PRDM6: variants seen among roughly 807,000 people sequenced by gnomAD.
PRDM6 encodes the protein PR/SET domain 6, also known as putative histone-lysine N-methyltransferase PRDM6.
In PRDM6, 25 loss-of-function variants were observed where a neutral mutation model predicts 60.8. That is an observed-to-expected ratio of 0.41 (90% CI 0.30 to 0.57). The LOEUF (loss-of-function observed/expected upper bound fraction) is 0.57. Among genes scored for constraint, PRDM6 ranks in the 20% least tolerant of loss-of-function variants. The pLI is 0.27. For synonymous variants in PRDM6, 407 were observed against 357.4 expected (o/e 1.14, Z -1.57); for missense variants, 839 against 821.3 (o/e 1.02, Z -0.26).
chr5:123,184,324 T>G (rs1390441464), intron 7 of PRDM6, among the ~76,000 whole-genome samples: 1 of 152,006 alleles, frequency 6.6e-6, no homozygotes, highest in Non-Finnish European at 1.5e-5. Context: ...GGTAATTAAG[T>G]CTAATTAAGA....
chr5:123,142,238 T>C (rs1489569408), intron 3 of PRDM6, among the ~76,000 whole-genome samples: 3 of 152,158 alleles, frequency 2.0e-5, no homozygotes, highest in Non-Finnish European at 2.9e-5. Flanking sequence ...CATATTTACA[T>C]AGTCATCAAT....
chr5:123,154,219 G>C (rs928376496), intron 3 of PRDM6, among the ~76,000 whole-genome samples: 11 of 152,128 alleles, frequency 7.2e-5, no homozygotes, highest in Non-Finnish European at 1.6e-4. Context: ...TAAATATGTT[G>C]TCTATCATTA....
chr5:123,110,762 C>T (rs1344975628), intron 3 of PRDM6, among the ~76,000 whole-genome samples: 1 of 151,976 alleles, frequency 6.6e-6, no homozygotes, highest in Non-Finnish European at 1.5e-5. Flanking sequence ...GACTGGGTTT[C>T]TCCATGTTGG....
chr5:123,153,479 GT>G (rs1765419719), intron 3 of PRDM6, among the ~76,000 whole-genome samples: 1 of 152,148 alleles, frequency 6.6e-6, no homozygotes, highest in African/African-American at 2.4e-5. Context: ...TAGTCGTGGG[GT>G]TTAAGTAGGT....
At chr5:123,185,040 T>G (rs984492524) in intron 7 of PRDM6, among the ~76,000 whole-genome samples, 2 of 152,224 alleles carry the variant, frequency 1.3e-5, no homozygotes, top group African/African-American at 4.8e-5. Context: ...TACAACAAAT[T>G]GTTCCATTTG....
rs190173492 is a variant in PRDM6, at chr5:123,102,555, G to A, written c.900+2594G>A. Among the ~76,000 whole-genome samples, 544 of 152,198 alleles carry A rather than the reference G, an allele frequency of 3.6e-3. 4 individuals carry two copies. The highest frequency in any genetic ancestry group is 0.012 in the African/African-American group (513 of 41,554). The stretch of plus-strand genomic sequence containing the variant: ...TGGCAATAATTGTTTAATGACTCAT[G>A]TAATAATTATCCATTTCAAAAACTT... On this transcript the variant is annotated intron_variant, in intron 3 of 7. Coordinates refer to ENST00000407847, the MANE Select transcript of PRDM6 (RefSeq NM_001136239.4).
intron 3 of PRDM6, among the ~76,000 whole-genome samples, chr5:123,155,061 T>C (rs944637664): frequency 6.6e-6 from 1 of 152,146 alleles, no homozygotes; most frequent in Admixed American, 6.5e-5. Flanking sequence ...CTGTGTTTGC[T>C]TGGCTCCCTA....
rs536332694 is a variant in PRDM6 at position 123,179,553 on chromosome 5, A to G, written c.1497-594A>G. ...TAATATCCGTTAAAACACACATGTA[A>G]CTTGCTGACTTGCCTGTGTGTTTAC... On this transcript the variant is annotated intron_variant, in intron 6 of 7. Transcript: ENST00000407847. Among the ~76,000 whole-genome samples, 5 of 152,316 alleles carry G rather than the reference A, an allele frequency of 3.3e-5. No individual in the cohort carries two copies. The East Asian group carries it at 9.6e-4, about 29-fold the overall frequency.
At chr5:123,125,437 T>C (rs1764673775) in intron 3 of PRDM6, among the ~76,000 whole-genome samples, 1 of 152,224 alleles carries the variant, frequency 6.6e-6, no homozygotes, top group South Asian at 2.1e-4. Context: ...TGTTTTAATA[T>C]GACAAATGGC....
rs568315074 is a variant in PRDM6 at position 123,156,877 on chromosome 5, T to G, written c.1028+866T>G. On this transcript the variant is annotated intron_variant, in intron 4 of 7. Coordinates refer to ENST00000407847, the MANE Select transcript of PRDM6 (RefSeq NM_001136239.4). ...AGGAAAAAAGCCCCACCACTAAGCC[T>G]TCTTCTCTCAAAATCCCTCGAAAAC... Among the ~76,000 whole-genome samples the G allele has an allele frequency of 5.3e-5, 8 of 152,076 alleles. No individual in the cohort carries two copies. The South Asian group carries it at 1.5e-3, about 28-fold the overall frequency.
intron 3 of PRDM6, among the ~76,000 whole-genome samples, chr5:123,136,000 G>A (rs1764942428): frequency 6.6e-6 from 1 of 152,154 alleles, no homozygotes; most frequent in African/African-American, 2.4e-5. Flanking sequence ...ATTAAAGTAT[G>A]AAAATTTTAT....
chr5:123,184,102 A>G (rs1412608616), intron 7 of PRDM6, among the ~76,000 whole-genome samples: 1 of 152,194 alleles, frequency 6.6e-6, no homozygotes, highest in Non-Finnish European at 1.5e-5. Flanking sequence ...TCCAAGAAGC[A>G]AATCAGTAAA....
intron 3 of PRDM6, among the ~76,000 whole-genome samples, chr5:123,122,078 G>A (rs456850): frequency 0.88 from 130,929 of 149,236 alleles, 57,867 homozygotes; most frequent in East Asian, 0.99. Flanking sequence ...CAGAAGAATC[G>A]TGTGAACCTG....
At chr5:123,115,118 G>A (rs1764404589) in intron 3 of PRDM6, among the ~76,000 whole-genome samples, 1 of 152,168 alleles carries the variant, frequency 6.6e-6, no homozygotes, top group Non-Finnish European at 1.5e-5. Context: ...AGTCAGATCT[G>A]CAAGTCAAAT....
chr5:123,169,325 A>G (rs1765832623), intron 5 of PRDM6, among the ~76,000 whole-genome samples: 1 of 152,240 alleles, frequency 6.6e-6, no homozygotes, highest in Admixed American at 6.5e-5. Flanking sequence ...CTTAATAAAA[A>G]GAACAGCAAA....
At chr5:123,096,305 T>C (rs1763958707) in intron 2 of PRDM6, among the ~76,000 whole-genome samples, 1 of 151,994 alleles carries the variant, frequency 6.6e-6, no homozygotes, top group Non-Finnish European at 1.5e-5. Context: ...ATATATTATA[T>C]ACATTTATAC....
At chr5:123,169,973 T>G (rs1207634504) in intron 5 of PRDM6, among the ~76,000 whole-genome samples, 1 of 152,196 alleles carries the variant, frequency 6.6e-6, no homozygotes, top group Admixed American at 6.5e-5. Context: ...TTGCATCCCA[T>G]CTATAAATCA....
intron 3 of PRDM6, among the ~76,000 whole-genome samples, chr5:123,109,802 A>G (rs73294721): frequency 5.9e-5 from 9 of 152,188 alleles, no homozygotes; most frequent in South Asian, 4.1e-4. Flanking sequence ...ACCAACTTGC[A>G]AGATGAAAAT....
chr5:123,136,070 C>T (rs1764943374), intron 3 of PRDM6, among the ~76,000 whole-genome samples: 1 of 152,156 alleles, frequency 6.6e-6, no homozygotes, highest in African/African-American at 2.4e-5. Flanking sequence ...CCAACTCTCA[C>T]TGTTCTGCTA....
Sources: gnomAD v4.1 joint callset for allele counts (sites outside exome capture counted in the v4.1 genomes callset) on GRCh38, gnomAD v4.1.1 for gene constraint, MANE v1.5 for transcripts, NCBI Gene and HGNC (gene_info 2026-07-23, HGNC 2026-07-21) for gene names.